PPDPFL: variants seen among roughly 807,000 people sequenced by gnomAD.
PPDPFL encodes pancreatic progenitor cell differentiation and proliferation factor like, also known as pancreatic progenitor cell differentiation and proliferation factor-like protein.
PPDPFL carries 12 observed loss-of-function variants against 12.6 expected under a neutral mutation model. The observed-to-expected ratio is 0.95, with a 90% CI of 0.61 to 1.54. The LOEUF is 1.54. Among genes scored for constraint, PPDPFL ranks in the 40% most tolerant of loss-of-function variants. PPDPFL has a pLI of 0.00. For synonymous variants in PPDPFL, 24 were observed against 32.7 expected, an observed-to-expected ratio of 0.73 and a Z score of 0.91; for missense variants, 114 against 96.0, an observed-to-expected ratio of 1.19 and a Z score of -0.78.
chr8:49,061,315 G>A (rs1401615431), intron 1 of PPDPFL, among the ~76,000 whole-genome samples: 2 of 152,202 alleles, frequency 1.3e-5, no homozygotes, highest in Non-Finnish European at 2.9e-5. Flanking sequence ...GACCCACAGA[G>A]AGAAGACTAT....
chr8:49,065,251 A>G (rs1808276909), intron 1 of PPDPFL, among the ~76,000 whole-genome samples: 1 of 152,184 alleles, frequency 6.6e-6, no homozygotes, highest in Non-Finnish European at 1.5e-5. Flanking sequence ...CCCCCAGTGT[A>G]TGAGTTAACA....
At chr8:49,056,954 A>G (rs1808120335) in intron 1 of PPDPFL, among the ~76,000 whole-genome samples, 1 of 152,174 alleles carries the variant, frequency 6.6e-6, no homozygotes, top group East Asian at 1.9e-4. Context: ...GTGTCATTTG[A>G]TGATGCACAG....
upstream of PPDPFL, among the ~76,000 whole-genome samples, chr8:49,070,613 C>T (rs1407495003): frequency 2.0e-5 from 3 of 151,914 alleles, no homozygotes; most frequent in African/African-American, 4.8e-5. Context: ...CTTTAGTAGA[C>T]AAAGGTGTAG....
At chr8:49,055,056 A>G (rs2129243039) in intron 1 of PPDPFL, among the ~76,000 whole-genome samples, 1 of 152,302 alleles carries the variant, frequency 6.6e-6, no homozygotes, top group East Asian at 1.9e-4. Context: ...CTGAACTCAT[A>G]GAGTTTTCCT....
chr8:49,064,290 G>A (rs1247763757), intron 1 of PPDPFL, among the ~76,000 whole-genome samples: 1 of 152,108 alleles, frequency 6.6e-6, no homozygotes, highest in African/African-American at 2.4e-5. Flanking sequence ...GATATGGGTC[G>A]GTCCTCTGGG....
intron 1 of PPDPFL, among the ~76,000 whole-genome samples, chr8:49,054,987 C>T (rs1371404223): frequency 6.6e-6 from 1 of 152,136 alleles, no homozygotes; most frequent in Non-Finnish European, 1.5e-5. Flanking sequence ...TGAGGCCAGT[C>T]TCCAGTCGCT....
At chr8:49,055,384 C>A (rs1326310879) in intron 1 of PPDPFL, among the ~76,000 whole-genome samples, 1 of 152,088 alleles carries the variant, frequency 6.6e-6, no homozygotes, top group Non-Finnish European at 1.5e-5. Context: ...ATAATAATTT[C>A]TGCTACTGCA....
chr8:49,063,130 C>T (rs952711372), intron 1 of PPDPFL, among the ~76,000 whole-genome samples: 4 of 152,134 alleles, frequency 2.6e-5, no homozygotes, highest in East Asian at 3.9e-4. Flanking sequence ...CTTGTTAGGG[C>T]GGTATGTATA....
intron 1 of PPDPFL, among the ~76,000 whole-genome samples, chr8:49,060,390 C>G (rs1357138731): frequency 1.3e-5 from 2 of 152,008 alleles, no homozygotes; most frequent in African/African-American, 4.8e-5. Context: ...CTCGGCTCAC[C>G]TCAACCTCCG....
At chr8:49,075,119 C>T in intron 4 of PPDPFL, 33 bp from the exon 5 acceptor site, 2 of 1,609,470 alleles carry the variant, frequency 1.2e-6, no homozygotes, top group Non-Finnish European at 1.7e-6. Flanking sequence ...TTTATTTATC[C>T]CCTCCTCTCT....
intron 1 of PPDPFL, among the ~76,000 whole-genome samples, chr8:49,056,699 A>T (rs1808117281): frequency 6.6e-6 from 1 of 152,228 alleles, no homozygotes; most frequent in Non-Finnish European, 1.5e-5. Flanking sequence ...ATAGAGCAAT[A>T]TCCATAAAAA....
chr8:49,054,909 T>A lies in PPDPFL; in HGVS notation c.-45+540T>A, dbSNP rs114669680. Among the ~76,000 whole-genome samples, 1,259 of 152,232 alleles carry A rather than the reference T, an allele frequency of 8.3e-3. 25 individuals carry two copies. Among genetic ancestry groups the A allele is most frequent in the African/African-American group, 0.029 (1,215 of 41,530 alleles). The stretch of plus-strand genomic sequence containing the variant: ...TGTAGGGCAGGCTCACTTTGCCCAA[T>A]ATATTCTTTAAATTTTTTGTTGGTG... On this transcript the variant is annotated intron_variant, in intron 1 of 4. Coordinates refer to the PPDPFL transcript ENST00000517663.
chr8:49,055,534 G>A (rs79150930), intron 1 of PPDPFL, among the ~76,000 whole-genome samples: 2,970 of 152,140 alleles, frequency 0.02, 100 homozygotes, highest in African/African-American at 0.069. Flanking sequence ...ATCCCATTTA[G>A]ACTTTTGGTT....
chr8:49,058,815 T>C (rs1220776582), intron 1 of PPDPFL, among the ~76,000 whole-genome samples: 1 of 152,224 alleles, frequency 6.6e-6, no homozygotes, highest in Admixed American at 6.5e-5. Context: ...TGCTTGGCTG[T>C]CATTGTGCAT....
chr8:49,057,630 C>T (rs780354981), intron 1 of PPDPFL, among the ~76,000 whole-genome samples: 17 of 151,962 alleles, frequency 1.1e-4, no homozygotes, highest in Non-Finnish European at 1.8e-4. Flanking sequence ...CACCAAAAGG[C>T]CTACACTCAC....
chr8:49,063,545 C>A lies in PPDPFL; in HGVS notation c.-45+9176C>A, dbSNP rs181746911. Reference sequence around the variant, plus strand: ...GACCAGCCTGGGCAACATGATAAAACCCTGTCTCTACAAAAAATACAAAAA... The same window carrying A: ...GACCAGCCTGGGCAACATGATAAAAACCTGTCTCTACAAAAAATACAAAAA... On this transcript the variant is annotated intron_variant, in intron 1 of 4. Transcript: ENST00000517663. Among the ~76,000 whole-genome samples the A allele has an allele frequency of 3.5e-3, 531 of 152,118 alleles. 5 individuals carry two copies. Among genetic ancestry groups the A allele is most frequent in the African/African-American group, 0.012 (513 of 41,494 alleles).
chr8:49,057,508 A>G (rs926931983), intron 1 of PPDPFL, among the ~76,000 whole-genome samples: 1 of 152,184 alleles, frequency 6.6e-6, no homozygotes, highest in Non-Finnish European at 1.5e-5. Context: ...CTCTGTATGC[A>G]TTGATAGCAT....
upstream of PPDPFL, among the ~76,000 whole-genome samples, chr8:49,072,056 G>A (rs1808400262): frequency 1.3e-5 from 2 of 152,254 alleles, no homozygotes; most frequent in African/African-American, 4.8e-5. Flanking sequence ...CTAAGGCTGA[G>A]GAGACACTTG....
chr8:49,069,031 T>C (rs945613070), upstream of PPDPFL, among the ~76,000 whole-genome samples: 1 of 152,160 alleles, frequency 6.6e-6, no homozygotes, highest in African/African-American at 2.4e-5. Context: ...AAGATATACT[T>C]TATGATTACT....
Sources: gnomAD v4.1 joint callset for allele counts (sites outside exome capture counted in the v4.1 genomes callset) on GRCh38, gnomAD v4.1.1 for gene constraint, MANE v1.5 for transcripts, NCBI Gene and HGNC (gene_info 2026-07-23, HGNC 2026-07-21) for gene names.